The following BANK1 variants were observed in gnomAD, a reference collection of about 807,000 sequenced individuals.
BANK1 encodes B-cell scaffold protein with ankyrin repeats.
A neutral mutation model predicts 94.5 loss-of-function variants in BANK1; 95 were observed. That is an observed-to-expected ratio of 1.00 (90% CI 0.85 to 1.19). The LOEUF (loss-of-function observed/expected upper bound fraction) is 1.19, where lower values mean the gene tolerates loss of function less well. Among genes scored for constraint, BANK1 ranks in the 50% most tolerant of loss-of-function variants. The pLI is 0.00. For synonymous variants in BANK1, 334 were observed against 308.4 expected (o/e 1.08, Z -0.87); for missense variants, 987 against 932.2 (o/e 1.06, Z -0.77).
intron 5 of BANK1, among the ~76,000 whole-genome samples, chr4:101,871,323 G>A (rs1327507767): frequency 6.6e-6 from 1 of 151,846 alleles, no homozygotes; most frequent in Non-Finnish European, 1.5e-5. Flanking sequence ...AGGTAGAAGA[G>A]GGTAGAGAAA....
At chr4:101,856,017 A>G (rs1727665265) in intron 3 of BANK1, among the ~76,000 whole-genome samples, 1 of 152,254 alleles carries the variant, frequency 6.6e-6, no homozygotes, top group Admixed American at 6.5e-5. Flanking sequence ...GGCATCCTTG[A>G]GTATAAAGAG....
At chr4:102,072,875 C>A (rs1246480896) in intron 15 of BANK1, among the ~76,000 whole-genome samples, 1 of 152,078 alleles carries the variant, frequency 6.6e-6, no homozygotes, top group Non-Finnish European at 1.5e-5. Flanking sequence ...TAAGCAAAGA[C>A]AACAGCAATG....
At chr4:101,951,171 C>G (rs1440792774) in intron 7 of BANK1, among the ~76,000 whole-genome samples, 1 of 152,000 alleles carries the variant, frequency 6.6e-6, no homozygotes, top group African/African-American at 2.4e-5. Flanking sequence ...ATGTAAGATG[C>G]TAATAATGGG....
chr4:101,905,320 A>C (rs1416673417), intron 6 of BANK1, among the ~76,000 whole-genome samples: 1 of 152,120 alleles, frequency 6.6e-6, no homozygotes, highest in Non-Finnish European at 1.5e-5. Context: ...GTGCAGCATA[A>C]ATCTACTGTG....
intron 5 of BANK1, among the ~76,000 whole-genome samples, chr4:101,876,719 T>A (rs1728502747): frequency 6.6e-6 from 1 of 152,186 alleles, no homozygotes; most frequent in Non-Finnish European, 1.5e-5. Flanking sequence ...CACCAGGGAC[T>A]AATCATGAAG....
intron 7 of BANK1, among the ~76,000 whole-genome samples, chr4:101,947,318 T>C (rs2148912826): frequency 6.9e-6 from 1 of 144,746 alleles, no homozygotes; most frequent in East Asian, 2.0e-4. Flanking sequence ...TATATGTATA[T>C]GTATTATGTA....
chr4:101,870,658 T>C lies in BANK1; in HGVS notation c.903+14T>C, dbSNP rs750508715. 5 of 1,605,406 alleles carry C rather than the reference T, an allele frequency of 3.1e-6. No homozygotes were observed. The highest frequency in any genetic ancestry group is 3.4e-6 in the Non-Finnish European group (4 of 1,176,438). ...AGTTTGTGCCAGGTAAGTTAATCTT[T>C]CCACGAAGTTAATCATAATGTAAGC... On this transcript the variant is annotated intron_variant, in intron 5 of 16. Coordinates refer to ENST00000322953, the MANE Select transcript of BANK1 (RefSeq NM_017935.5).
intron 7 of BANK1, among the ~76,000 whole-genome samples, chr4:101,924,162 A>T (rs1723084026): frequency 1.3e-5 from 2 of 151,964 alleles, no homozygotes; most frequent in South Asian, 4.1e-4. Context: ...GTAATATATT[A>T]TTTAGAAAAA....
intron 11 of BANK1, among the ~76,000 whole-genome samples, chr4:102,047,266 C>T (rs1727907137): frequency 6.6e-6 from 1 of 152,134 alleles, no homozygotes; most frequent in South Asian, 2.1e-4. Flanking sequence ...GTACTTAGAT[C>T]ATCTTCCAGT....
At chr4:102,036,896 A>G (rs879871756) in intron 10 of BANK1, 10 of 152,198 alleles carry the variant, frequency 6.6e-5, no homozygotes, top group Non-Finnish European at 1.5e-5. Flanking sequence ...CCAAGAATTC[A>G]ATTCCTTTAT....
intron 10 of BANK1, among the ~76,000 whole-genome samples, chr4:102,040,581 T>C (rs1727670815): frequency 6.6e-6 from 1 of 152,068 alleles, no homozygotes. Context: ...ATGAGGTAAA[T>C]TTTTTAAGAA....
intron 3 of BANK1, among the ~76,000 whole-genome samples, chr4:101,858,734 G>A (rs1727769288): frequency 6.6e-6 from 1 of 152,108 alleles, no homozygotes; most frequent in East Asian, 1.9e-4. Context: ...AAGTCATCGT[G>A]CAACCACAAA....
chr4:101,918,117 G>A lies in BANK1; in HGVS notation c.1134G>A (p.Glu378=), dbSNP rs746084335. 7 of 1,611,948 alleles carry A rather than the reference G, an allele frequency of 4.3e-6. No individual in the cohort carries two copies. Among genetic ancestry groups the A allele is most frequent in the Admixed American group, 1.7e-5 (1 of 59,812 alleles). Residue 378 remains glutamate (E), a synonymous_variant, in exon 7 of 17, where the codon GAG becomes GAA. Transcript: ENST00000322953. ...GGGCATCTAAGATGAAAAATATGGA[G>A]GGTTCAGACCCCGCACATATTGCTG... ...ATWASKMKNM[E]GSDPAHIAER...
At chr4:101,794,711 A>T (rs1725096326) in intron 1 of BANK1, among the ~76,000 whole-genome samples, 1 of 152,126 alleles carries the variant, frequency 6.6e-6, no homozygotes, top group African/African-American at 2.4e-5. Flanking sequence ...TTAGTCAGAG[A>T]AAAACAATGA....
intron 5 of BANK1, among the ~76,000 whole-genome samples, chr4:101,876,262 G>A (rs1046986566): frequency 3.9e-5 from 6 of 152,184 alleles, no homozygotes; most frequent in African/African-American, 1.2e-4. Flanking sequence ...ATTCCCAGCT[G>A]TAGTGGCTAA....
chr4:101,932,386 A>G (rs1249586910), intron 7 of BANK1, among the ~76,000 whole-genome samples: 2 of 151,580 alleles, frequency 1.3e-5, no homozygotes, highest in African/African-American at 2.4e-5. Context: ...CTGTTTCACT[A>G]ACTATGAAGT....
At chr4:101,948,676 AT>A (rs1337243886) in intron 7 of BANK1, among the ~76,000 whole-genome samples, 2 of 152,112 alleles carry the variant, frequency 1.3e-5, no homozygotes, top group Non-Finnish European at 2.9e-5. Context: ...AGAGTCTTAG[AT>A]CCAAATATTT....
chr4:102,021,650 ATG>A, intron 8 of BANK1, 58 bp downstream of exon 8: 1 of 680,850 alleles, frequency 1.5e-6, no homozygotes, highest in Non-Finnish European at 2.2e-6. Flanking sequence ...TCACATATAT[ATG>A]TGACTTATGG....
intron 7 of BANK1, among the ~76,000 whole-genome samples, chr4:101,940,857 C>T (rs564503336): frequency 7.9e-5 from 12 of 151,718 alleles, no homozygotes; most frequent in Non-Finnish European, 7.4e-5. Flanking sequence ...CGTTTCTCCA[C>T]TGTAAAGATA....
Sources: gnomAD v4.1 joint callset for allele counts (sites outside exome capture counted in the v4.1 genomes callset) on GRCh38, gnomAD v4.1.1 for gene constraint, MANE v1.5 for transcripts, NCBI Gene and HGNC (gene_info 2026-07-23, HGNC 2026-07-21) for gene names.